DNAAF1: variants seen among roughly 807,000 people sequenced by gnomAD.
DNAAF1 encodes the protein dynein axonemal assembly factor 1.
In DNAAF1, 65 loss-of-function variants were observed where a neutral mutation model predicts 71.1. The ratio of observed to expected loss-of-function variants is 0.91; its 90% confidence interval spans 0.75 to 1.12. The LOEUF (loss-of-function observed/expected upper bound fraction) is 1.12. Ranked by LOEUF, DNAAF1 falls within the 50% of genes most tolerant of loss-of-function variation. DNAAF1 has a pLI of 0.00. For synonymous variants in DNAAF1, 414 were observed against 354.6 expected (o/e 1.17, Z -1.88); for missense variants, 1,178 against 899.8 (o/e 1.31, Z -3.96).
chr16:84,176,278 T>C lies in DNAAF1; in HGVS notation c.2044T>C (p.Phe682Leu), dbSNP rs1047328972. Reference sequence around the variant, plus strand: ...TTCCAGTGGAGACAGGGACAGCGACTTCCTTGCAGCCTCTTCTCCGGGTAA... The same window carrying C: ...TTCCAGTGGAGACAGGGACAGCGACCTCCTTGCAGCCTCTTCTCCGGGTAA... ...LTSSGDRDSD[F>L]LAASSPVPTE... The change falls in exon 11 of 12, where the codon TTC becomes CTC. Residue 682 changes from phenylalanine (F) to leucine (L), a missense_variant. Physicochemically the swap from Phe to Leu is conservative, Grantham distance 22. Transcript: ENST00000378553. 11 of 1,613,504 alleles carry C rather than the reference T, an allele frequency of 6.8e-6. No individual in the cohort carries two copies. Among genetic ancestry groups the C allele is most frequent in the Non-Finnish European group, 9.3e-6 (11 of 1,180,000 alleles).
intron 4 of DNAAF1, among the ~76,000 whole-genome samples, chr16:84,155,067 C>G (rs914956749): frequency 6.6e-6 from 1 of 152,116 alleles, no homozygotes; most frequent in African/African-American, 2.4e-5. Context: ...CACCACCACA[C>G]CTGGCTAATT....
At chr16:84,161,913 G>A (rs1223609830) in intron 6 of DNAAF1, among the ~76,000 whole-genome samples, 1 of 151,928 alleles carries the variant, frequency 6.6e-6, no homozygotes, top group East Asian at 1.9e-4. Context: ...CGACTAAAAG[G>A]GCTCCTCTAA....
intron 8 of DNAAF1, among the ~76,000 whole-genome samples, chr16:84,170,851 A>T (rs1567562522): frequency 2.0e-5 from 3 of 152,188 alleles, no homozygotes; most frequent in Non-Finnish European, 2.9e-5. Flanking sequence ...ATTGATTAAT[A>T]AATTAATTAA....
At position 84,172,313 on chromosome 16, in the gene DNAAF1, G is replaced by A. The variant is rs546813245; in HGVS notation, c.1582G>A (p.Gly528Arg). ...TEGVFVTELD[G>R]TRTEDLETIR... ...GGGTGTATTCGTTACAGAACTTGATGGAACGAGAACGGAAGATTTAGAAAC... is the reference window on the plus strand; with the variant it reads ...GGGTGTATTCGTTACAGAACTTGATAGAACGAGAACGGAAGATTTAGAAAC... The change falls in exon 9 of 12, where the codon GGA becomes AGA. Residue 528 changes from glycine (G) to arginine (R), a missense_variant. By Grantham distance (125) the Gly-to-Arg change is moderately radical (BLOSUM62 -2). Coordinates refer to ENST00000378553, the MANE Select transcript of DNAAF1 (RefSeq NM_178452.6). 2.5e-6 allele frequency: 4 copies of A among 1,614,212 alleles called. No individual in the cohort carries two copies. The African/African-American group carries it at 5.3e-5, about 22-fold the overall frequency.
In DNAAF1 at chr16:84,174,706, A is replaced by G. The variant is rs371575198; in HGVS notation, c.1682A>G (p.Lys561Arg). ...PDLEDDDETG[K>R]SLEDQNMCFP... ...TTGGAAGATGATGATGAAACAGGCA[A>G]ATCTCTGGAAGACCAGGTTAAGGTC... is the stretch of plus-strand genomic sequence containing the variant. The change falls in exon 10 of 12, where the codon AAA (lysine) becomes AGA (arginine). Residue 561 changes from lysine (K) to arginine (R), a missense_variant. Physicochemically the swap from Lys to Arg is conservative, Grantham distance 26. Coordinates refer to ENST00000378553, the MANE Select transcript of DNAAF1 (RefSeq NM_178452.6). 3 of 1,614,076 alleles carry G rather than the reference A, an allele frequency of 1.9e-6. No homozygotes were observed. The highest frequency in any genetic ancestry group is 2.7e-5 in the African/African-American group (2 of 74,914).
intron 4 of DNAAF1, 81 bp downstream of exon 4, chr16:84,154,879 T>C (rs1393223566): frequency 3.3e-6 from 4 of 1,222,942 alleles, no homozygotes; most frequent in Non-Finnish European, 3.6e-6. Flanking sequence ...GCTTTTATAT[T>C]ATGGGCAAGA....
intron 3 of DNAAF1, 127 bp downstream of exon 3, chr16:84,150,469 G>C (rs1486491577): frequency 5.1e-6 from 4 of 781,420 alleles, no homozygotes; most frequent in African/African-American, 3.5e-5. Flanking sequence ...TCAAAGTTTA[G>C]TGGAGATTTA....
At chr16:84,173,709 T>A (rs940915239) in intron 9 of DNAAF1, 5 of 198,458 alleles carry the variant, frequency 2.5e-5, no homozygotes, top group Non-Finnish European at 4.5e-5. Flanking sequence ...AAAATAAAAT[T>A]AGCTGGGCGT....
chr16:84,172,264 G>A lies in DNAAF1; in HGVS notation c.1533G>A (p.Pro511=), dbSNP rs767668207. 59 of 1,613,912 alleles carry A rather than the reference G, an allele frequency of 3.7e-5. No homozygotes were observed. Among genetic ancestry groups the A allele is most frequent in the South Asian group, 3.3e-4 (30 of 90,948 alleles). ...AGACTTGTTGTTGCTCTTTAGAACC[G>A]ACTCCCCAGGCTGTGGCCACTGAGG... ...PPPLGAAREE[P]TPQAVATEGV... is the part of the protein sequence containing the mutation. The change falls in exon 9 of 12, where the codon CCG becomes CCA. Residue 511 remains proline (P), a synonymous_variant. Transcript: ENST00000378553.
intron 9 of DNAAF1, 103 bp from the exon 10 acceptor site, chr16:84,174,566 T>C: frequency 8.1e-6 from 13 of 1,604,668 alleles, no homozygotes; most frequent in Non-Finnish European, 1.1e-5. Flanking sequence ...TGAGTAACTG[T>C]AACTAAGGCT....
At chr16:84,175,626 G>C in intron 10 of DNAAF1, 1 of 409,954 alleles carries the variant, frequency 2.4e-6, no homozygotes, top group Non-Finnish European at 4.5e-6. Context: ...AAGGAAACGG[G>C]GTTCAGGGGC....
At position 84,157,783 on chromosome 16, in the gene DNAAF1, T is replaced by C. The variant is rs16962882; in HGVS notation, c.742-1892T>C. ...CAGGAACAATCTGTAGTGTGTACTA[T>C]CAAAAGACTAGTTTAGAACTGCAGC... is the stretch of plus-strand genomic sequence containing the variant. On this transcript the variant is annotated intron_variant, in intron 5 of 11. Transcript: ENST00000378553. Among the ~76,000 whole-genome samples the C allele has an allele frequency of 2.4e-3, 366 of 152,324 alleles. 1 individual carries two copies. Among genetic ancestry groups the C allele is most frequent in the African/African-American group, 7.3e-3 (305 of 41,564 alleles).
intron 5 of DNAAF1, chr16:84,159,099 G>C (rs1333785232): frequency 1.0e-6 from 1 of 992,516 alleles, no homozygotes; most frequent in East Asian, 1.1e-4. Flanking sequence ...AAAGATGGGG[G>C]AGGATGGCAG....
chr16:84,155,712 C>T lies in DNAAF1; in HGVS notation c.704C>T (p.Pro235Leu), dbSNP rs144654179. Reference protein sequence around the residue: ...LDLSHNKLSDPEILSILESMP... With the variant: ...LDLSHNKLSDLEILSILESMP... ...CTTTCGCACAACAAGCTGAGTGACC[C>T]GGAGATCCTGAGCATTCTGGAAAGC... Residue 235 changes from proline to leucine, a missense_variant, in exon 5 of 12, where the codon CCG (proline) becomes CTG (leucine). Coordinates refer to ENST00000378553, the MANE Select transcript of DNAAF1 (RefSeq NM_178452.6). 1.5e-5 allele frequency: 25 copies of T among 1,613,932 alleles called. No homozygotes were observed. The highest frequency in any genetic ancestry group is 6.7e-5 in the African/African-American group (5 of 74,862).
intron 1 of DNAAF1, among the ~76,000 whole-genome samples, chr16:84,146,155 T>G (rs142775549): frequency 1.3e-5 from 2 of 152,296 alleles, no homozygotes; most frequent in East Asian, 1.9e-4. Flanking sequence ...CCAGACAGTC[T>G]GGGTCTCCAG....
At chr16:84,151,409 C>G (rs2151213001) in intron 3 of DNAAF1, among the ~76,000 whole-genome samples, 2 of 152,262 alleles carry the variant, frequency 1.3e-5, no homozygotes, top group African/African-American at 4.8e-5. Flanking sequence ...CTCACCTCCA[C>G]TTTTGCCCAC....
Position 84,172,379 on chromosome 16 carries a change from C to T in DNAAF1, c.1644+4C>T. The stretch of plus-strand genomic sequence containing the variant: ...AAAGGAGACATTCTGCATTGATGTA[C>T]ATGAAGTATTTAATCTTGGAGATAA... On this transcript the variant is annotated splice_donor_region_variant and intron_variant, in intron 9 of 11. Transcript: ENST00000378553. 6.2e-7 allele frequency: 1 copy of T among 1,613,734 alleles called. No homozygotes were observed. Among genetic ancestry groups the T allele is most frequent in the Non-Finnish European group, 8.5e-7 (1 of 1,179,702 alleles).
In DNAAF1 at chr16:84,159,772, A is replaced by G; in HGVS notation, c.839A>G (p.Asp280Gly). Reference protein sequence around the residue: ...VRLKHLTYLDDRPVFPKDRAC... With the variant: ...VRLKHLTYLDGRPVFPKDRAC... Reference sequence around the variant, plus strand: ...CTAAAGCACTTAACATACCTGGATGATAGACCAGTGTTTCCAAAGGACAGG... The same window carrying G: ...CTAAAGCACTTAACATACCTGGATGGTAGACCAGTGTTTCCAAAGGACAGG... Residue 280 changes from aspartate to glycine, a missense_variant, in exon 6 of 12, where the codon GAT (aspartate) becomes GGT (glycine). Asp to Gly is a moderately conservative substitution (Grantham distance 94). Transcript: ENST00000378553. The G allele has an allele frequency of 6.2e-7, 1 of 1,613,992 alleles. No homozygotes were observed. The highest frequency in any genetic ancestry group is 8.5e-7 in the Non-Finnish European group (1 of 1,179,908).
chr16:84,154,721 T>A lies in DNAAF1; in HGVS notation c.497T>A (p.Ile166Asn). ...LFLQMNLLRK[I>N]ENLEPLQKLD... ...TTGCAAATGAACTTGCTCCGTAAAATTGAGAACCTGGAACCTCTGCAGAAA... is the reference window on the plus strand; with the variant it reads ...TTGCAAATGAACTTGCTCCGTAAAAATGAGAACCTGGAACCTCTGCAGAAA... The change falls in exon 4 of 12, where the codon ATT (isoleucine) becomes AAT (asparagine). Residue 166 changes from isoleucine to asparagine, a missense_variant. Ile to Asn is a moderately radical substitution (Grantham distance 149). Coordinates refer to ENST00000378553, the MANE Select transcript of DNAAF1 (RefSeq NM_178452.6). 1 of 1,614,062 alleles carries A rather than the reference T, an allele frequency of 6.2e-7. No individual in the cohort carries two copies. The highest frequency in any genetic ancestry group is 8.5e-7 in the Non-Finnish European group (1 of 1,180,006).
Sources: allele counts gnomAD v4.1 joint callset (sites outside exome capture counted in the v4.1 genomes callset), GRCh38; gene constraint gnomAD v4.1.1; transcripts MANE v1.5; gene names NCBI Gene and HGNC (gene_info 2026-07-23, HGNC 2026-07-21).